HDGFL3: variants seen among roughly 807,000 people sequenced by gnomAD.
HDGFL3 encodes hepatoma-derived growth factor-related protein 3.
Under a neutral mutation model 27.6 loss-of-function variants are expected in HDGFL3, and 6 were observed. The observed-to-expected ratio is 0.22, with a 90% CI of 0.12 to 0.43. The LOEUF is 0.43. Among genes scored for constraint, HDGFL3 ranks in the 20% least tolerant of loss-of-function variants. The probability of loss-of-function intolerance (pLI) is 1.00; values close to 1 mark genes in which losing one functional copy is unlikely to be tolerated. For missense variants in HDGFL3, 207 were observed against 250.1 expected (o/e 0.83, Z 1.16); for synonymous variants, 88 against 88.9 (o/e 0.99, Z 0.05).
At chr15:83,148,671 A>C (rs2036930225) in intron 5 of HDGFL3, among the ~76,000 whole-genome samples, 1 of 152,122 alleles carries the variant, frequency 6.6e-6, no homozygotes, top group Non-Finnish European at 1.5e-5. Context: ...AAACAACCCA[A>C]CTGCCCATCA....
intron 5 of HDGFL3, 67 bp downstream of exon 5, chr15:83,151,148 T>C (rs72755999): frequency 8.3e-6 from 12 of 1,439,824 alleles, no homozygotes; most frequent in Non-Finnish European, 1.2e-5. Flanking sequence ...TGCTGACATA[T>C]GGATGCTGAA....
intron 5 of HDGFL3, among the ~76,000 whole-genome samples, chr15:83,147,003 C>T (rs1455295512): frequency 1.3e-5 from 2 of 152,160 alleles, no homozygotes; most frequent in Non-Finnish European, 2.9e-5. Flanking sequence ...CTCTGCCTTT[C>T]CTTCCAATTT....
At chr15:83,157,597 T>A in intron 3 of HDGFL3, 24 bp from the exon 4 acceptor site, 2 of 1,586,774 alleles carry the variant, frequency 1.3e-6, no homozygotes, top group Non-Finnish European at 8.6e-7. Flanking sequence ...AAATATTAGC[T>A]GATTACATTT....
At chr15:83,192,951 A>G (rs2037529687) in intron 1 of HDGFL3, among the ~76,000 whole-genome samples, 1 of 152,190 alleles carries the variant, frequency 6.6e-6, no homozygotes, top group South Asian at 2.1e-4. Context: ...TTAGCTCTTT[A>G]TCTTCCAGTA....
Position 83,207,161 on chromosome 15 carries a change from T to C in HDGFL3, c.84+170A>G, listed in dbSNP as rs1279078076. On this transcript the variant is annotated intron_variant, in intron 1 of 5. Transcript: ENST00000299633. This position sits in a 1 kb window ranked among gnomAD's most constrained non-coding sequence, Gnocchi z 4.8. ...GGAGTGCGGGCGAGGCCGGGAGCCC[T>C]TGCCTCAGCCCCGGCCCGGTCTTCT... Among the ~76,000 whole-genome samples, 1 of 152,108 alleles carries C rather than the reference T, an allele frequency of 6.6e-6. No homozygotes were observed. Among genetic ancestry groups the C allele is most frequent in the East Asian group, 1.9e-4 (1 of 5,160 alleles).
In HDGFL3 at chr15:83,137,771, CATT is replaced by C. The variant is rs1032279266; in HGVS notation, c.*1496_*1498del. ...CCTTAGCTGCCATCATCACCATCAT[CATT>C]ATTAACGGCCCTAGGCTTTTAGGTC... is the stretch of plus-strand genomic sequence containing the variant. On this transcript the variant is annotated 3_prime_UTR_variant, in exon 6 of 6. Transcript: ENST00000299633. 1.3e-5 allele frequency: 2 copies of C among 152,102 alleles called. No individual in the cohort carries two copies. Among genetic ancestry groups the C allele is most frequent in the Admixed American group, 6.6e-5 (1 of 15,266 alleles). 9.4% of individuals were successfully genotyped at this position (152,102 alleles called of 1,614,324 possible). A position where few individuals can be genotyped will look rare whatever the true frequency, so the allele number is the denominator to read the frequency against.
At chr15:83,196,286 A>C (rs1322343099) in intron 1 of HDGFL3, among the ~76,000 whole-genome samples, 2 of 151,598 alleles carry the variant, frequency 1.3e-5, no homozygotes, top group East Asian at 1.9e-4. Context: ...ACTCCTAAAG[A>C]AGCTTTCTTT....
At chr15:83,157,184 A>G (rs2037041464) in intron 4 of HDGFL3, among the ~76,000 whole-genome samples, 1 of 152,262 alleles carries the variant, frequency 6.6e-6, no homozygotes, top group Admixed American at 6.5e-5. Context: ...GTCCTCCTCC[A>G]ACTAAAAAGG....
chr15:83,191,572 A>C (rs1596566426), intron 1 of HDGFL3, among the ~76,000 whole-genome samples: 1 of 152,192 alleles, frequency 6.6e-6, no homozygotes. Flanking sequence ...GAAACATATA[A>C]AATTGTAAGT....
At chr15:83,177,541 A>G (rs1322546369) in intron 1 of HDGFL3, among the ~76,000 whole-genome samples, 1 of 152,230 alleles carries the variant, frequency 6.6e-6, no homozygotes, top group Non-Finnish European at 1.5e-5. Context: ...AACAGCAATT[A>G]TGTTCTGTAG....
chr15:83,121,582 T>C (rs960363320), intron 3 of HDGFL3, among the ~76,000 whole-genome samples: 5 of 152,206 alleles, frequency 3.3e-5, no homozygotes, highest in Non-Finnish European at 7.3e-5. Context: ...TTTCATTTCT[T>C]CTTTCAACTT....
At chr15:83,196,420 C>T (rs62010252) in intron 1 of HDGFL3, among the ~76,000 whole-genome samples, 30,571 of 151,754 alleles carry the variant, frequency 0.2, 3,219 homozygotes, top group Admixed American at 0.22. Context: ...AACAATAAAG[C>T]ATTACATACA....
chr15:83,167,440 C>T (rs2037185560), intron 1 of HDGFL3, among the ~76,000 whole-genome samples: 1 of 152,052 alleles, frequency 6.6e-6, no homozygotes, highest in Non-Finnish European at 1.5e-5. Flanking sequence ...TGCCTGTAAT[C>T]CCAGCTACCT....
rs549755503 is a variant in HDGFL3, at chr15:83,148,617, G to A, written c.606+2598C>T. Among the ~76,000 whole-genome samples the A allele has an allele frequency of 5.3e-5, 8 of 150,782 alleles. No homozygotes were observed. The South Asian group carries it at 1.1e-3, about 20-fold the overall frequency. ...AGCCTGGGCGACAGAGTGAGACTCC[G>A]TCTCGAAAAAAAAAAAATAATAATA... On this transcript the variant is annotated intron_variant, in intron 5 of 5. Transcript: ENST00000299633.
At chr15:83,183,909 G>C (rs1353474393) in intron 1 of HDGFL3, among the ~76,000 whole-genome samples, 1 of 151,894 alleles carries the variant, frequency 6.6e-6, no homozygotes, top group Non-Finnish European at 1.5e-5. Flanking sequence ...ATGACTCTTA[G>C]CTGGCCCTCC....
intron 1 of HDGFL3, among the ~76,000 whole-genome samples, chr15:83,172,393 C>G (rs1238993086): frequency 6.6e-6 from 1 of 152,154 alleles, no homozygotes; most frequent in Non-Finnish European, 1.5e-5. Flanking sequence ...ACCTCCTGCA[C>G]AGTTGAAAAT....
At chr15:83,139,848 G>A (rs2036732479) in intron 5 of HDGFL3, among the ~76,000 whole-genome samples, 1 of 152,028 alleles carries the variant, frequency 6.6e-6, no homozygotes, top group Non-Finnish European at 1.5e-5. Flanking sequence ...AAATTTAGAT[G>A]GCATCCGTGT....
At chr15:83,160,719 C>T (rs915030069) in intron 2 of HDGFL3, among the ~76,000 whole-genome samples, 3 of 152,142 alleles carry the variant, frequency 2.0e-5, no homozygotes, top group African/African-American at 4.8e-5. Flanking sequence ...AGAGAAGATA[C>T]TGAAAGCTTT....
At chr15:83,199,654 GAGA>G (rs1374528605) in intron 1 of HDGFL3, among the ~76,000 whole-genome samples, 1 of 152,130 alleles carries the variant, frequency 6.6e-6, no homozygotes. Context: ...ATGATCAAAT[GAGA>G]AGAATAGTTT....
Sources: allele counts gnomAD v4.1 joint callset (sites outside exome capture counted in the v4.1 genomes callset), GRCh38; gene constraint gnomAD v4.1.1; non-coding constraint Gnocchi (gnomAD v3.1); transcripts MANE v1.5; gene names NCBI Gene and HGNC (gene_info 2026-07-23, HGNC 2026-07-21).